The following MRPS5 variants were observed in gnomAD, a reference collection of about 807,000 sequenced individuals.
MRPS5 encodes small ribosomal subunit protein uS5m.
In MRPS5, 27 loss-of-function variants were observed where a neutral mutation model predicts 51.9. The ratio of observed to expected loss-of-function variants is 0.52; its 90% CI spans 0.38 to 0.72. MRPS5 has a LOEUF of 0.72. Ranked by LOEUF, MRPS5 falls within the 30% of genes least tolerant of loss-of-function variation. The pLI is 0.00. For synonymous variants in MRPS5, 196 were observed against 193.2 expected, an observed-to-expected ratio of 1.01 and a Z score of -0.12; for missense variants, 570 against 545.7, an observed-to-expected ratio of 1.04 and a Z score of -0.44.
chr2:95,120,949 C>T (rs1381980194), intron 1 of MRPS5, among the ~76,000 whole-genome samples: 2 of 152,040 alleles, frequency 1.3e-5, no homozygotes, highest in Non-Finnish European at 2.9e-5. Flanking sequence ...GAAACCCCGT[C>T]TCTACTAAAA....
In MRPS5 at chr2:95,087,198, C is replaced by T. The variant is rs1045922253; in HGVS notation, c.*159G>A. The T allele has an allele frequency of 8.4e-6, 5 of 594,744 alleles. No homozygotes were observed. Among genetic ancestry groups the T allele is most frequent in the African/African-American group, 5.6e-5 (3 of 53,810 alleles). The allele number at this position is 594,744 out of a possible 1,614,324, so 36.8% of individuals were successfully genotyped here. A position where few individuals can be genotyped will look rare whatever the true frequency, so the allele number is the denominator to read the frequency against. ...CTATCACATTGGCATATAACATGTGCTCAACAAATGAAAGCTATAATTATT... is the reference window on the plus strand; with the variant it reads ...CTATCACATTGGCATATAACATGTGTTCAACAAATGAAAGCTATAATTATT... On this transcript the variant is annotated 3_prime_UTR_variant, in exon 12 of 12. Transcript: ENST00000272418.
At position 95,110,049 on chromosome 2, in the gene MRPS5, GA is replaced by G. The variant is rs752703282; in HGVS notation, c.278-9del. The G allele has an allele frequency of 8.7e-6, 14 of 1,602,836 alleles. No homozygotes were observed. In the African/African-American group the frequency reaches 1.9e-4, roughly 22 times the overall value. ...ACAGCTCATCTGCAGTCACTGTAAC[GA>G]AACAGGGTTTCTTTTCTTAATTCTG... On this transcript the variant is annotated splice_polypyrimidine_tract_variant and intron_variant, in intron 3 of 11. Coordinates refer to ENST00000272418, the MANE Select transcript of MRPS5 (RefSeq NM_031902.5).
chr2:95,108,093 C>A, intron 5 of MRPS5, 82 bp downstream of exon 5: 1 of 1,213,206 alleles, frequency 8.2e-7, no homozygotes, highest in Non-Finnish European at 1.2e-6. Flanking sequence ...TATAAACAGA[C>A]AAGTAATAAC....
rs1675778336 is a variant in MRPS5, at chr2:95,100,851, T to C, written c.854A>G (p.Tyr285Cys). Reference protein sequence around the residue: ...AVHHLHYIERYEDHTIFHDIS... With the variant: ...AVHHLHYIERCEDHTIFHDIS... ...TTATCACTCACTTGTATGGTCTTCATATCGTTCTATATAATGCAAATGGTG... is the reference window on the plus strand; with the variant it reads ...TTATCACTCACTTGTATGGTCTTCACATCGTTCTATATAATGCAAATGGTG... Residue 285 changes from tyrosine to cysteine, a missense_variant, in exon 9 of 12, where the codon TAT (tyrosine) becomes TGT (cysteine). By Grantham distance (194) the Tyr-to-Cys change is radical. Transcript: ENST00000272418. The C allele has an allele frequency of 6.2e-7, 1 of 1,603,954 alleles. No homozygotes were observed.
rs761371432 is a variant in MRPS5, at chr2:95,090,482, G to A, written c.972C>T (p.Cys324=). The A allele has an allele frequency of 1.9e-6, 3 of 1,614,046 alleles. No homozygotes were observed. In the Admixed American group the frequency reaches 5.0e-5, roughly 27 times the overall value. Residue 324 remains cysteine (C), a synonymous_variant, in exon 11 of 12, where the codon TGC becomes TGT. Transcript: ENST00000272418. The stretch of plus-strand genomic sequence containing the variant: ...ACATGTCTTTGATGCCAATGAGCCG[G>A]CAGATGGTGATGATGGCCCTGTGGC... ...LRCHRAIITI[C]RLIGIKDMYA... is the part of the protein sequence containing the mutation.
chr2:95,114,239 GC>G (rs1182470804), intron 3 of MRPS5, among the ~76,000 whole-genome samples: 1 of 149,078 alleles, frequency 6.7e-6, no homozygotes, highest in Non-Finnish European at 1.5e-5. Context: ...ATCATGAATT[GC>G]CTTTATAATC....
intron 10 of MRPS5, among the ~76,000 whole-genome samples, chr2:95,098,599 AC>A (rs760075101): frequency 2.0e-5 from 3 of 152,106 alleles, no homozygotes; most frequent in Admixed American, 6.5e-5. Flanking sequence ...AGAAAACCAA[AC>A]ACCGCATGTT....
At chr2:95,100,000 T>TCTGC (rs1393871289) in intron 10 of MRPS5, among the ~76,000 whole-genome samples, 1 of 152,242 alleles carries the variant, frequency 6.6e-6, no homozygotes, top group African/African-American at 2.4e-5. Flanking sequence ...GACCCTGAAC[T>TCTGC]CTGCCTGCCT....
At chr2:95,102,261 A>G (rs1675824584) in intron 7 of MRPS5, among the ~76,000 whole-genome samples, 1 of 152,258 alleles carries the variant, frequency 6.6e-6, no homozygotes, top group Non-Finnish European at 1.5e-5. Flanking sequence ...CCAAGGTTAG[A>G]TGCTGCCTTT....
intron 10 of MRPS5, among the ~76,000 whole-genome samples, chr2:95,094,049 A>G (rs898824760): frequency 6.6e-6 from 1 of 152,248 alleles, no homozygotes. Context: ...AAATGACCTG[A>G]TGGAGCTGAA....
intron 5 of MRPS5, 30 bp from the exon 6 acceptor site, chr2:95,106,487 A>G: frequency 6.3e-7 from 1 of 1,583,950 alleles, no homozygotes. Context: ...AGGGATACAG[A>G]TGAAATGTGT....
At chr2:95,105,612 G>A (rs1675927526) in intron 6 of MRPS5, among the ~76,000 whole-genome samples, 1 of 151,862 alleles carries the variant, frequency 6.6e-6, no homozygotes, top group African/African-American at 2.4e-5. Context: ...CTGGCTCTCT[G>A]GTGCATAGCT....
rs145436984 is a variant in MRPS5 at position 95,100,843 on chromosome 2, G to A, written c.862C>T (p.His288Tyr). ...AAAATAGATTATCACTCACTTGTAT[G>A]GTCTTCATATCGTTCTATATAATGC... is the stretch of plus-strand genomic sequence containing the variant. ...HLHYIERYED[H>Y]TIFHDISLRF... is the part of the protein sequence containing the mutation. Residue 288 changes from histidine to tyrosine, a missense_variant, in exon 9 of 12, where the codon CAT becomes TAT. Coordinates refer to ENST00000272418, the MANE Select transcript of MRPS5 (RefSeq NM_031902.5). 3.8e-6 allele frequency: 6 copies of A among 1,596,116 alleles called. No homozygotes were observed. The East Asian group carries it at 1.1e-4, about 30-fold the overall frequency.
chr2:95,119,702 C>G (rs1043775165), intron 1 of MRPS5, among the ~76,000 whole-genome samples: 1 of 151,824 alleles, frequency 6.6e-6, no homozygotes, highest in Non-Finnish European at 1.5e-5. Flanking sequence ...AAATTGGAAG[C>G]CTCATATACT....
chr2:95,092,577 T>C (rs1411273028), intron 10 of MRPS5: 1 of 152,226 alleles, frequency 6.6e-6, no homozygotes, highest in Non-Finnish European at 1.5e-5. Context: ...TCTAAAAGTA[T>C]TATATACTGT....
Position 95,087,382 on chromosome 2 carries a change from G to C in MRPS5, c.1268C>G (p.Ser423Cys). ...TAQGMKRSVW[S>C]NLKRAAT ...TTACGTGGCGGCTCTCTTCAAATTA[G>C]ACCACACAGAGCGCTTCATTCCCTG... The change falls in exon 12 of 12, where the codon TCT becomes TGT. Residue 423 changes from serine (S) to cysteine (C), a missense_variant. Transcript: ENST00000272418. The C allele has an allele frequency of 6.2e-7, 1 of 1,614,158 alleles. No homozygotes were observed. Among genetic ancestry groups the C allele is most frequent in the South Asian group, 1.1e-5 (1 of 91,078 alleles).
intron 7 of MRPS5, among the ~76,000 whole-genome samples, chr2:95,102,933 T>C (rs183753952): frequency 3.9e-5 from 6 of 152,342 alleles, no homozygotes; most frequent in African/African-American, 1.4e-4. Flanking sequence ...ACAATACTGC[T>C]CTATAAGATA....
chr2:95,100,818 A>G lies in MRPS5; in HGVS notation c.868+19T>C. 1 of 1,569,714 alleles carries G rather than the reference A, an allele frequency of 6.4e-7. No individual in the cohort carries two copies. Among genetic ancestry groups the G allele is most frequent in the South Asian group, 1.2e-5 (1 of 84,282 alleles). On this transcript the variant is annotated intron_variant, in intron 9 of 11. Transcript: ENST00000272418. ...TGTAATCCTGCAAATTAAAAAAAAA[A>G]AAATAGATTATCACTCACTTGTATG...
intron 7 of MRPS5, chr2:95,102,025 T>C (rs1463104162): frequency 3.8e-6 from 1 of 265,476 alleles, no homozygotes; most frequent in East Asian, 9.5e-5. Flanking sequence ...CCAGGCATGC[T>C]GGTGCATGAC....
Sources: allele counts gnomAD v4.1 joint callset (sites outside exome capture counted in the v4.1 genomes callset), GRCh38; gene constraint gnomAD v4.1.1; transcripts MANE v1.5; gene names NCBI Gene and HGNC (gene_info 2026-07-23, HGNC 2026-07-21).